Variants in BRDT observed in about 807,000 individuals in gnomAD.
The protein encoded by BRDT is bromodomain testis-specific protein.
Under a neutral mutation model 113.9 loss-of-function variants are expected in BRDT, and 77 were observed. That is an observed-to-expected ratio of 0.68 (90% CI 0.56 to 0.82). BRDT has a LOEUF of 0.82. Among genes scored for constraint, BRDT ranks in the 40% least tolerant of loss-of-function variants. The pLI, the probability that BRDT is intolerant of heterozygous loss-of-function variation, is 0.00. For missense variants in BRDT, 1,027 were observed against 1,105.4 expected (o/e 0.93, Z 1.01); for synonymous variants, 358 against 366.5 (o/e 0.98, Z 0.26).
At chr1:91,998,068 TG>T (rs1686504548) in intron 15 of BRDT, among the ~76,000 whole-genome samples, 1 of 152,174 alleles carries the variant, frequency 6.6e-6, no homozygotes, top group African/African-American at 2.4e-5. Flanking sequence ...CCACATGAAA[TG>T]GACAATGTTG....
At chr1:91,988,165 T>A (rs4658285) in intron 12 of BRDT, among the ~76,000 whole-genome samples, 148,985 of 152,268 alleles carry the variant, frequency 0.98, 72,954 homozygotes, top group East Asian at 1. Flanking sequence ...ACTTTTTTTG[T>A]CAGTTTAAAA....
chr1:91,971,048 G>C (rs1328474744), intron 4 of BRDT, among the ~76,000 whole-genome samples: 1 of 152,074 alleles, frequency 6.6e-6, no homozygotes, highest in Non-Finnish European at 1.5e-5. Context: ...CTGGGCCTCA[G>C]GAAGCTTTCA....
chr1:92,003,455 T>G (rs1469975343), intron 16 of BRDT, among the ~76,000 whole-genome samples: 1 of 152,218 alleles, frequency 6.6e-6, no homozygotes, highest in Non-Finnish European at 1.5e-5. Flanking sequence ...AAGGGCCATC[T>G]AGACTTGTGC....
rs541225147 is a variant in BRDT, at chr1:91,981,748, T to C, written c.1995T>C (p.Ser665=). The C allele has an allele frequency of 1.1e-4, 181 of 1,613,314 alleles. 1 individual carries two copies. In the South Asian group the frequency reaches 1.9e-3, roughly 17 times the overall value. The change falls in exon 12 of 19, where the codon TCT becomes TCC. Residue 665 remains serine (S), a synonymous_variant. Coordinates refer to ENST00000399546, the MANE Select transcript of BRDT (RefSeq NM_207189.4). ...SDLSSSDSSD[S]ESEMFPKFTE... ...TAAGCTCTTCAGACAGCAGTGATTC[T>C]GAATCAGGTTAGCTGTCCCCTTAAA...
At chr1:92,010,039 C>T (rs1687662151) in intron 18 of BRDT, among the ~76,000 whole-genome samples, 2 of 151,556 alleles carry the variant, frequency 1.3e-5, no homozygotes. Flanking sequence ...TATGTTTTTC[C>T]TCTACTTGCC....
chr1:91,969,956 G>A (rs925960352), intron 4 of BRDT, among the ~76,000 whole-genome samples: 3 of 151,368 alleles, frequency 2.0e-5, no homozygotes, highest in Admixed American at 2.0e-4. Context: ...AGCCTCCTGA[G>A]TAGCTGGGAT....
chr1:91,969,809 T>G (rs1034001136), intron 4 of BRDT, among the ~76,000 whole-genome samples: 21 of 146,874 alleles, frequency 1.4e-4, no homozygotes, highest in Middle Eastern at 3.4e-3. Flanking sequence ...TTTTTTGTTT[T>G]TGTGTGTGTG....
At chr1:91,982,348 T>A (rs1684802965) in intron 12 of BRDT, among the ~76,000 whole-genome samples, 2 of 152,224 alleles carry the variant, frequency 1.3e-5, no homozygotes, top group African/African-American at 4.8e-5. Context: ...TTATCTTGTA[T>A]AGTTTAGCAG....
chr1:92,000,470 C>T lies in BRDT; in HGVS notation c.2288-1579C>T, dbSNP rs1270890946. ...TGAGCTTTTGTTCTGCATTCTTTGA[C>T]AGTGTTTTGTCTTGCCCTCCTATGC... On this transcript the variant is annotated intron_variant, in intron 15 of 18. Transcript: ENST00000399546. 2.0e-5 allele frequency among the ~76,000 whole-genome samples: 3 copies of T among 152,202 alleles called. No individual in the cohort carries two copies. The East Asian group carries it at 5.8e-4, about 29-fold the overall frequency.
chr1:91,964,548 G>A (rs1682853791), intron 2 of BRDT, 79 bp from the exon 3 acceptor site: 2 of 901,540 alleles, frequency 2.2e-6, no homozygotes, highest in Admixed American at 3.3e-5. Context: ...CAGGTGTATA[G>A]TGCATTAAAT....
chr1:92,002,121 A>T lies in BRDT; in HGVS notation c.2360A>T (p.Glu787Val). ...PSGDSDTTML[E>V]SECQAPVQKD... ...GGTGATAGTGACACAACGATGTTAG[A>T]ATCTGAATGTCAAGCTCCTGTACAG... is the stretch of plus-strand genomic sequence containing the variant. The change falls in exon 16 of 19, where the codon GAA (glutamate) becomes GTA (valine). Residue 787 changes from glutamate to valine, a missense_variant. Transcript: ENST00000399546. 2 of 1,613,676 alleles carry T rather than the reference A, an allele frequency of 1.2e-6. No homozygotes were observed. The highest frequency in any genetic ancestry group is 1.7e-6 in the Non-Finnish European group (2 of 1,179,654).
intron 12 of BRDT, among the ~76,000 whole-genome samples, chr1:91,985,122 C>T (rs1685087458): frequency 6.6e-6 from 1 of 152,152 alleles, no homozygotes; most frequent in African/African-American, 2.4e-5. Flanking sequence ...CACTCTGTCG[C>T]CCAGGCTGGG....
chr1:92,005,283 G>T lies in BRDT; in HGVS notation c.2759G>T (p.Arg920Met). ...TTAGCAAGGCAGAAAGAACAAGAGAGGAGGAGGAGAGAAGCAGTAAGTGAA... is the reference window on the plus strand; with the variant it reads ...TTAGCAAGGCAGAAAGAACAAGAGATGAGGAGGAGAGAAGCAGTAAGTGAA... ...RDLARQKEQE[R>M]RRREAMVGTI... is the part of the protein sequence containing the mutation. Residue 920 changes from arginine (R) to methionine (M), a missense_variant, in exon 18 of 19, where the codon AGG (arginine) becomes ATG (methionine). By Grantham distance (91) the Arg-to-Met change is moderately conservative (BLOSUM62 -1). Coordinates refer to ENST00000399546, the MANE Select transcript of BRDT (RefSeq NM_207189.4). 6.4e-7 allele frequency: 1 copy of T among 1,554,006 alleles called. No individual in the cohort carries two copies. The highest frequency in any genetic ancestry group is 8.6e-7 in the Non-Finnish European group (1 of 1,158,778).
At chr1:91,996,113 T>G (rs748248412) in intron 15 of BRDT, among the ~76,000 whole-genome samples, 1 of 152,136 alleles carries the variant, frequency 6.6e-6, no homozygotes, top group South Asian at 2.1e-4. Flanking sequence ...GAAGATATGA[T>G]AGCTATAGGT....
At chr1:91,950,230 C>G (rs1364535440) in intron 1 of BRDT, 3 of 152,230 alleles carry the variant, frequency 2.0e-5, no homozygotes, top group Non-Finnish European at 4.4e-5. Flanking sequence ...AAGTGGATCA[C>G]CTGAGGTCAG....
chr1:91,984,560 A>C (rs1446504723), intron 12 of BRDT, among the ~76,000 whole-genome samples: 2 of 152,244 alleles, frequency 1.3e-5, no homozygotes, highest in Non-Finnish European at 2.9e-5. Context: ...CATCAGCAAA[A>C]GCTTTATCTG....
chr1:91,985,091 T>C (rs1685082497), intron 12 of BRDT, among the ~76,000 whole-genome samples: 2 of 151,352 alleles, frequency 1.3e-5, no homozygotes, highest in Admixed American at 6.6e-5. Context: ...ATTTTATTTA[T>C]TGTGTTTTGA....
intron 16 of BRDT, among the ~76,000 whole-genome samples, chr1:92,003,880 G>C (rs1296201438): frequency 6.6e-6 from 1 of 151,956 alleles, no homozygotes; most frequent in Non-Finnish European, 1.5e-5. Context: ...ATATATTTCT[G>C]GTGGGCAGCA....
intron 1 of BRDT, among the ~76,000 whole-genome samples, chr1:91,955,244 T>G (rs574467268): frequency 1.3e-5 from 2 of 152,004 alleles, no homozygotes; most frequent in South Asian, 4.2e-4. Context: ...TCACTTGAGG[T>G]CAGAAGTTCA....
Sources: allele counts gnomAD v4.1 joint callset (sites outside exome capture counted in the v4.1 genomes callset), GRCh38; gene constraint gnomAD v4.1.1; transcripts MANE v1.5; gene names NCBI Gene and HGNC (gene_info 2026-07-23, HGNC 2026-07-21).